The following GABRB2 variants were observed in gnomAD, a reference collection of about 807,000 sequenced individuals.
GABRB2 encodes the protein gamma-aminobutyric acid type A receptor subunit beta2.
GABRB2 carries 16 observed loss-of-function variants against 54.7 expected under a neutral mutation model. The observed-to-expected ratio is 0.29, with a 90% confidence interval of 0.20 to 0.44. GABRB2 has a LOEUF of 0.44. Among genes scored for constraint, GABRB2 ranks in the 20% least tolerant of loss-of-function variants. The pLI is 1.00. For missense variants in GABRB2, 355 were observed against 644.0 expected (o/e 0.55, Z 4.86); for synonymous variants, 244 against 233.8 (o/e 1.04, Z -0.40).
intron 3 of GABRB2, among the ~76,000 whole-genome samples, chr5:161,477,481 T>G (rs1220057697): frequency 4.6e-5 from 7 of 151,770 alleles, no homozygotes; most frequent in Non-Finnish European, 8.8e-5. Flanking sequence ...TAATTGAAAG[T>G]AGGATCTCAA....
At chr5:161,450,139 C>A (rs928750874) in intron 4 of GABRB2, among the ~76,000 whole-genome samples, 21 of 152,092 alleles carry the variant, frequency 1.4e-4, no homozygotes, top group Non-Finnish European at 7.4e-5. Flanking sequence ...GGCTTCTTCC[C>A]TACTTCAAAA....
At chr5:161,483,552 A>C (rs1758829855) in intron 3 of GABRB2, among the ~76,000 whole-genome samples, 1 of 151,944 alleles carries the variant, frequency 6.6e-6, no homozygotes, top group Non-Finnish European at 1.5e-5. Flanking sequence ...AGACAAATTA[A>C]AACAGAATTT....
At chr5:161,385,160 G>T (rs1324301872) in intron 5 of GABRB2, among the ~76,000 whole-genome samples, 1 of 152,114 alleles carries the variant, frequency 6.6e-6, no homozygotes, top group Non-Finnish European at 1.5e-5. Flanking sequence ...AAACTAAGAG[G>T]CTCCATCACA....
chr5:161,483,450 G>A (rs1351655692), intron 3 of GABRB2, among the ~76,000 whole-genome samples: 2 of 151,956 alleles, frequency 1.3e-5, no homozygotes, highest in Non-Finnish European at 2.9e-5. Flanking sequence ...GGGCAAGGGG[G>A]TGGTAGGGGA....
At chr5:161,378,237 G>T (rs1052582276) in intron 5 of GABRB2, among the ~76,000 whole-genome samples, 2 of 152,068 alleles carry the variant, frequency 1.3e-5, no homozygotes, top group African/African-American at 4.8e-5. Flanking sequence ...CTAATGGGTG[G>T]TTGTAGTGAG....
At chr5:161,345,661 C>T (rs889379012) in intron 5 of GABRB2, among the ~76,000 whole-genome samples, 1 of 152,030 alleles carries the variant, frequency 6.6e-6, no homozygotes, top group Non-Finnish European at 1.5e-5. Flanking sequence ...ATCTTGGTTT[C>T]CTTAAGGTGG....
Position 161,357,594 on chromosome 5 carries a change from C to G in GABRB2, c.542-20825G>C, listed in dbSNP as rs554072460. ...TCTAAGCTTCTTTGTTGGGAATGTT[C>G]TACATTGGGTTGGTAAAAACTGAAG... On this transcript the variant is annotated intron_variant, in intron 5 of 9. Transcript: ENST00000393959. Among the ~76,000 whole-genome samples the G allele has an allele frequency of 5.3e-5, 8 of 151,104 alleles. 1 individual carries two copies. The South Asian group carries it at 1.7e-3, about 32-fold the overall frequency.
intron 5 of GABRB2, among the ~76,000 whole-genome samples, chr5:161,395,542 T>C (rs929433697): frequency 2.0e-5 from 3 of 152,138 alleles, no homozygotes; most frequent in Non-Finnish European, 2.9e-5. Flanking sequence ...ACATTTATTA[T>C]GAAATAACAC....
At chr5:161,483,949 T>C (rs572086182) in intron 3 of GABRB2, among the ~76,000 whole-genome samples, 1 of 152,042 alleles carries the variant, frequency 6.6e-6, no homozygotes, top group Admixed American at 6.6e-5. Context: ...ACAATTGCAA[T>C]AAATATGCTT....
At chr5:161,342,122 A>T (rs1754187057) in intron 5 of GABRB2, among the ~76,000 whole-genome samples, 1 of 151,526 alleles carries the variant, frequency 6.6e-6, no homozygotes, top group Admixed American at 6.6e-5. Flanking sequence ...TTAATCTGTT[A>T]ATTTTGTCAT....
intron 9 of GABRB2, among the ~76,000 whole-genome samples, chr5:161,314,938 A>C (rs984913886): frequency 6.6e-6 from 1 of 152,184 alleles, no homozygotes; most frequent in Admixed American, 6.6e-5. Context: ...TAAAAAGGTA[A>C]TCTTTGTCTT....
At chr5:161,470,769 G>A (rs533637255) in intron 3 of GABRB2, among the ~76,000 whole-genome samples, 1 of 151,966 alleles carries the variant, frequency 6.6e-6, no homozygotes, top group South Asian at 2.1e-4. Context: ...TTCGGACAGT[G>A]GTTGACCACC....
At chr5:161,397,357 C>A (rs1227591521) in intron 5 of GABRB2, among the ~76,000 whole-genome samples, 1 of 152,124 alleles carries the variant, frequency 6.6e-6, no homozygotes, top group Non-Finnish European at 1.5e-5. Flanking sequence ...GTCCACCAAC[C>A]TTTACCATTT....
intron 9 of GABRB2, among the ~76,000 whole-genome samples, chr5:161,306,869 G>A (rs2113355642): frequency 6.6e-6 from 1 of 152,258 alleles, no homozygotes; most frequent in East Asian, 1.9e-4. Flanking sequence ...AAATAACTCA[G>A]TGTATGCTGG....
At chr5:161,458,371 G>C (rs1292027600) in intron 4 of GABRB2, among the ~76,000 whole-genome samples, 2 of 151,972 alleles carry the variant, frequency 1.3e-5, no homozygotes, top group African/African-American at 4.8e-5. Flanking sequence ...TAACTCATTT[G>C]TCTACCACCA....
chr5:161,344,884 G>A (rs1286993288), intron 5 of GABRB2, among the ~76,000 whole-genome samples: 1 of 152,112 alleles, frequency 6.6e-6, no homozygotes, highest in Non-Finnish European at 1.5e-5. Context: ...ATGAGTTCAT[G>A]TCCTTTGCAG....
intron 3 of GABRB2, among the ~76,000 whole-genome samples, chr5:161,461,800 G>C (rs1758124470): frequency 6.6e-6 from 1 of 152,068 alleles, no homozygotes; most frequent in Non-Finnish European, 1.5e-5. Context: ...AGTGCCCAGG[G>C]CTCAAATAAC....
At chr5:161,344,804 T>G (rs574484404) in intron 5 of GABRB2, among the ~76,000 whole-genome samples, 1 of 152,192 alleles carries the variant, frequency 6.6e-6, no homozygotes, top group East Asian at 1.9e-4. Flanking sequence ...CAAATGCCAA[T>G]CAATGGATAG....
intron 4 of GABRB2, among the ~76,000 whole-genome samples, chr5:161,418,580 CTAGGCAAATAATTTA>C (rs1756752059): frequency 6.6e-6 from 1 of 152,124 alleles, no homozygotes; most frequent in East Asian, 1.9e-4. Flanking sequence ...GACCCTTGAT[CTAGGCAAATAATTTA>C]TAGACTAAGA....
Sources: allele counts gnomAD v4.1 joint callset (sites outside exome capture counted in the v4.1 genomes callset), GRCh38; gene constraint gnomAD v4.1.1; transcripts MANE v1.5; gene names NCBI Gene and HGNC (gene_info 2026-07-23, HGNC 2026-07-21).